The following DEPDC4 variants were observed in gnomAD, a reference collection of about 807,000 sequenced individuals.
DEPDC4 encodes the protein DEP domain containing 4.
In DEPDC4, 52 loss-of-function variants were observed where a neutral mutation model predicts 52.0. That is an observed-to-expected ratio of 1.00 (90% confidence interval 0.80 to 1.26). The LOEUF is 1.26. Among genes scored for constraint, DEPDC4 ranks in the 50% most tolerant of loss-of-function variants. DEPDC4 has a pLI of 0.00. For missense variants in DEPDC4, 530 were observed against 546.9 expected (o/e 0.97, Z 0.31); for synonymous variants, 201 against 196.8 (o/e 1.02, Z -0.18).
At chr12:100,279,765 A>G in the DEPDC4 span, among the ~76,000 whole-genome samples, 1 of 152,222 alleles carries the variant, frequency 6.6e-6, no homozygotes, top group East Asian at 1.9e-4. Flanking sequence ...TGAGATATCA[A>G]ATGATTTGCA....
the DEPDC4 span, among the ~76,000 whole-genome samples, chr12:100,278,219 A>G: frequency 6.6e-6 from 1 of 151,858 alleles, no homozygotes; most frequent in African/African-American, 2.4e-5. Context: ...TTTGTTTTAG[A>G]GAGAGGGTCT....
intron 3 of DEPDC4, among the ~76,000 whole-genome samples, chr12:100,257,990 T>C (rs904811833): frequency 8.9e-6 from 1 of 112,466 alleles, no homozygotes; most frequent in African/African-American, 2.7e-5. Flanking sequence ...GATAGATAGA[T>C]AGATAGATAG....
chr12:100,277,764 A>G, the DEPDC4 span, among the ~76,000 whole-genome samples: 200 of 151,962 alleles, frequency 1.3e-3, 2 homozygotes, highest in Non-Finnish European at 2.9e-5. Context: ...TATTTGCCAC[A>G]TTTGTTTTTT....
At chr12:100,235,490 T>C (rs2096139977), downstream of DEPDC4, among the ~76,000 whole-genome samples, 1 of 151,956 alleles carries the variant, frequency 6.6e-6, no homozygotes, top group South Asian at 2.1e-4. Context: ...CCCAGCAGTA[T>C]ACACTGAACC....
intron 1 of DEPDC4, 139 bp downstream of exon 1, chr12:100,266,781 G>T: frequency 2.5e-6 from 3 of 1,190,304 alleles, no homozygotes; most frequent in Admixed American, 4.9e-5. Context: ...CCAGTCCAGT[G>T]CCTGGTAGGG....
downstream of DEPDC4, among the ~76,000 whole-genome samples, chr12:100,235,364 T>TG (rs2153902899): frequency 7.0e-6 from 1 of 142,604 alleles, no homozygotes; most frequent in Non-Finnish European, 1.6e-5. Context: ...TTTTTTTTTT[T>TG]TTTATTCTCT....
the DEPDC4 span, among the ~76,000 whole-genome samples, chr12:100,279,805 T>A: frequency 6.6e-6 from 1 of 152,248 alleles, no homozygotes; most frequent in Non-Finnish European, 1.5e-5. Flanking sequence ...ACTATTCAAC[T>A]GATAGCTCTC....
the DEPDC4 span, among the ~76,000 whole-genome samples, chr12:100,280,008 C>T: frequency 6.6e-6 from 1 of 152,234 alleles, no homozygotes; most frequent in Admixed American, 6.5e-5. Flanking sequence ...CTTCTCAATT[C>T]AGCTAGATAG....
the DEPDC4 span, among the ~76,000 whole-genome samples, chr12:100,275,305 G>A: frequency 1.8e-4 from 27 of 151,902 alleles, no homozygotes; most frequent in South Asian, 3.7e-3. Context: ...AGGTTCAAGT[G>A]ATCCTTCCAC....
In DEPDC4 at chr12:100,241,449, G is replaced by A. The variant is rs1302476091; in HGVS notation, c.*443C>T. 1.3e-5 allele frequency among the ~76,000 whole-genome samples: 2 copies of A among 152,038 alleles called. No homozygotes were observed. Among genetic ancestry groups the A allele is most frequent in the African/African-American group, 4.8e-5 (2 of 41,384 alleles). On this transcript the variant is annotated 3_prime_UTR_variant, in exon 10 of 10. Coordinates refer to ENST00000550587, the MANE Select transcript of DEPDC4 (RefSeq NM_001364818.2). ...ACAGTGACTCATGCCTATAATCCCA[G>A]CACTTTAAGAGGCCAAGGCAGGAGG...
upstream of DEPDC4, among the ~76,000 whole-genome samples, chr12:100,270,572 A>G (rs1042203822): frequency 2.6e-5 from 4 of 151,626 alleles, no homozygotes; most frequent in Non-Finnish European, 4.4e-5. Flanking sequence ...TATTGTTTAA[A>G]TTACTAATTT....
At chr12:100,264,830 C>T (rs1040750193) in intron 1 of DEPDC4, among the ~76,000 whole-genome samples, 4 of 152,008 alleles carry the variant, frequency 2.6e-5, no homozygotes, top group African/African-American at 9.7e-5. Flanking sequence ...ACTGTTGCTC[C>T]CGATTAAGGG....
At chr12:100,281,022 T>TTTTTG in the DEPDC4 span, among the ~76,000 whole-genome samples, 7 of 106,322 alleles carry the variant, frequency 6.6e-5, no homozygotes, top group Admixed American at 1.8e-4. Flanking sequence ...CATCAGTGTT[T>TTTTTG]TTTTTTTTTT....
At chr12:100,268,470 T>A (rs1179149292), upstream of DEPDC4, among the ~76,000 whole-genome samples, 1 of 152,174 alleles carries the variant, frequency 6.6e-6, no homozygotes. Context: ...TGAAATCAGC[T>A]GAGTATATAA....
intron 3 of DEPDC4, among the ~76,000 whole-genome samples, chr12:100,258,166 G>A (rs2096241640): frequency 6.6e-6 from 1 of 152,026 alleles, no homozygotes. Flanking sequence ...CACAAGAAAG[G>A]AAATTCTGAG....
Position 100,241,062 on chromosome 12 carries a change from C to T in DEPDC4, c.*830G>A, listed in dbSNP as rs148786240. ...GCAAGACTCCATTTCAAAAACAAAA[C>T]AAAACAAAACAAAACAACTACTTTA... On this transcript the variant is annotated 3_prime_UTR_variant, in exon 10 of 10. Coordinates refer to ENST00000550587, the MANE Select transcript of DEPDC4 (RefSeq NM_001364818.2). Among the ~76,000 whole-genome samples the T allele has an allele frequency of 0.015, 2,346 of 152,088 alleles. 70 individuals carry two copies. Among genetic ancestry groups the T allele is most frequent in the African/African-American group, 0.054 (2,229 of 41,504 alleles).
At chr12:100,278,044 C>T in the DEPDC4 span, among the ~76,000 whole-genome samples, 1 of 151,978 alleles carries the variant, frequency 6.6e-6, no homozygotes, top group East Asian at 1.9e-4. Context: ...GTTACAGTTT[C>T]TTCTGCATAT....
the DEPDC4 span, among the ~76,000 whole-genome samples, chr12:100,276,359 C>A: frequency 3.3e-5 from 5 of 151,768 alleles, no homozygotes; most frequent in Admixed American, 2.6e-4. Context: ...GAAATAGGAT[C>A]CCACTCTTTG....
downstream of DEPDC4, chr12:100,238,154 A>G: frequency 1.6e-6 from 1 of 626,000 alleles, no homozygotes; most frequent in Non-Finnish European, 2.0e-6. Context: ...GGGCAGTTTT[A>G]TCTTCCAGTG....
Sources: allele counts gnomAD v4.1 joint callset (sites outside exome capture counted in the v4.1 genomes callset), GRCh38; gene constraint gnomAD v4.1.1; transcripts MANE v1.5; gene names NCBI Gene and HGNC (gene_info 2026-07-23, HGNC 2026-07-21).